Variants in BNIP3L observed in about 807,000 individuals in gnomAD.
The protein encoded by BNIP3L is BCL2 interacting protein 3 like.
In BNIP3L, 10 loss-of-function variants were observed where a neutral mutation model predicts 25.5. The ratio of observed to expected loss-of-function variants is 0.39; its 90% CI spans 0.24 to 0.67. BNIP3L has a LOEUF of 0.67. Ranked by LOEUF, BNIP3L falls within the 30% of genes least tolerant of loss-of-function variation. BNIP3L has a pLI of 0.45. For synonymous variants in BNIP3L, 113 were observed against 101.2 expected (o/e 1.12, Z -0.70); for missense variants, 215 against 270.9 (o/e 0.79, Z 1.45).
At chr8:26,387,231 A>G (rs1358408229) in intron 1 of BNIP3L, among the ~76,000 whole-genome samples, 2 of 152,218 alleles carry the variant, frequency 1.3e-5, no homozygotes, top group African/African-American at 4.8e-5. Flanking sequence ...ACAGTCTATT[A>G]TGTTAGAGAA....
chr8:26,396,741 G>A (rs1806256915), intron 3 of BNIP3L, among the ~76,000 whole-genome samples: 1 of 150,100 alleles, frequency 6.7e-6, no homozygotes, highest in Non-Finnish European at 1.5e-5. Context: ...TTAGAAGAAT[G>A]TATAACTAGA....
intron 3 of BNIP3L, chr8:26,395,618 G>A (rs1333398286): frequency 4.3e-6 from 1 of 234,368 alleles, no homozygotes; most frequent in Non-Finnish European, 8.4e-6. Flanking sequence ...GAATAGGGAG[G>A]AGCCAAGATG....
chr8:26,384,726 CAT>C (rs1491502222), intron 1 of BNIP3L, among the ~76,000 whole-genome samples: 59 of 95,592 alleles, frequency 6.2e-4, no homozygotes, highest in Middle Eastern at 5.2e-3. Flanking sequence ...CTTTTGAGGA[CAT>C]TTTTTTTTTT....
At chr8:26,405,228 T>C (rs3808577) in intron 3 of BNIP3L, among the ~76,000 whole-genome samples, 96,045 of 152,100 alleles carry the variant, frequency 0.63, 30,758 homozygotes, top group East Asian at 0.87. Flanking sequence ...TAAAGAAAGA[T>C]CTGTGAGGCC....
At position 26,391,307 on chromosome 8, in the gene BNIP3L, G is replaced by A; in HGVS notation, c.165G>A (p.Gly55=). Residue 55 remains glycine (G), a synonymous_variant, in exon 2 of 6, where the codon GGG becomes GGA. Transcript: ENST00000380629. ...ATGATAATGGCAATGGGAAAAATGGGGGGCTGGAACACGTACCATCCTCAT... is the reference window on the plus strand; with the variant it reads ...ATGATAATGGCAATGGGAAAAATGGAGGGCTGGAACACGTACCATCCTCAT... The part of the protein sequence containing the change: ...NGNDNGNGKN[G]GLEHVPSSSS... 5 of 1,612,328 alleles carry A rather than the reference G, an allele frequency of 3.1e-6. No individual in the cohort carries two copies. Among genetic ancestry groups the A allele is most frequent in the Non-Finnish European group, 4.2e-6 (5 of 1,179,386 alleles).
rs139214529 is a variant in BNIP3L at position 26,411,524 on chromosome 8, C to T, written c.*1112C>T. ...AAGATGCCATTTGTTTCCTTCTGAT[C>T]TCTCACTGAATAATGTTTACTGTAC... On this transcript the variant is annotated 3_prime_UTR_variant, in exon 6 of 6. Coordinates refer to ENST00000380629, the MANE Select transcript of BNIP3L (RefSeq NM_004331.3). 6.6e-6 allele frequency: 1 copy of T among 152,242 alleles called. No individual in the cohort carries two copies. The highest frequency in any genetic ancestry group is 2.4e-5 in the African/African-American group (1 of 41,436). The allele number at this position is 152,242 out of a possible 1,614,324, so 9.4% of individuals were successfully genotyped here. A position where few individuals can be genotyped will look rare whatever the true frequency, so the allele number is the denominator to read the frequency against.
intron 3 of BNIP3L, among the ~76,000 whole-genome samples, chr8:26,403,792 G>T (rs1011049568): frequency 6.6e-6 from 1 of 151,564 alleles, no homozygotes; most frequent in Non-Finnish European, 1.5e-5. Flanking sequence ...CTCCCATGTC[G>T]GCCTCCCAAA....
rs1806483505 is a variant in BNIP3L at position 26,405,693 on chromosome 8, A to G, written c.358-2307A>G. ...TCCTAGTCAAACAAAATAAAATGTC[A>G]AAATGCTTCTTAGTTTTGAGACCCC... On this transcript the variant is annotated intron_variant, in intron 3 of 5. Transcript: ENST00000380629. 3.3e-5 allele frequency among the ~76,000 whole-genome samples: 5 copies of G among 152,276 alleles called. No individual in the cohort carries two copies. The South Asian group carries it at 1.0e-3, about 32-fold the overall frequency.
chr8:26,402,482 T>G (rs1406014906), intron 3 of BNIP3L, among the ~76,000 whole-genome samples: 1 of 152,254 alleles, frequency 6.6e-6, no homozygotes, highest in Non-Finnish European at 1.5e-5. Context: ...TACAGAAAGC[T>G]TTAAGTTTAG....
Position 26,392,190 on chromosome 8 carries a change from A to G in BNIP3L, c.284+764A>G, listed in dbSNP as rs1476276463. Among the ~76,000 whole-genome samples, 118 of 134,944 alleles carry G rather than the reference A, an allele frequency of 8.7e-4. 2 individuals carry two copies. The Admixed American group carries it at 9.1e-3, about 10-fold the overall frequency. 88.5% of individuals were successfully genotyped at this position (134,944 alleles called of 152,430 possible). ...TTTTCTGTTTTTTTTTTTTTTTTTCAGAAGGGCTAGATATTAAATGACATT... is the reference window on the plus strand; with the variant it reads ...TTTTCTGTTTTTTTTTTTTTTTTTCGGAAGGGCTAGATATTAAATGACATT... On this transcript the variant is annotated intron_variant, in intron 2 of 5. Coordinates refer to ENST00000380629, the MANE Select transcript of BNIP3L (RefSeq NM_004331.3).
At chr8:26,395,505 C>T (rs1385530729) in intron 3 of BNIP3L, 7 of 538,584 alleles carry the variant, frequency 1.3e-5, no homozygotes, top group Middle Eastern at 5.0e-4. Context: ...TCACTCTAAA[C>T]GAATTGGAAA....
intron 3 of BNIP3L, among the ~76,000 whole-genome samples, chr8:26,398,828 A>G: frequency 6.6e-6 from 1 of 152,188 alleles, no homozygotes; most frequent in Non-Finnish European, 1.5e-5. Flanking sequence ...AGAAATGGAT[A>G]CATTCCTCGA....
chr8:26,406,572 C>G (rs2117493902), intron 3 of BNIP3L, among the ~76,000 whole-genome samples: 1 of 152,268 alleles, frequency 6.6e-6, no homozygotes, highest in Middle Eastern at 3.4e-3. Flanking sequence ...GTAATCCCAG[C>G]ACTTTGGGAG....
chr8:26,387,466 T>C (rs1806016494), intron 1 of BNIP3L, among the ~76,000 whole-genome samples: 1 of 152,240 alleles, frequency 6.6e-6, no homozygotes, highest in Non-Finnish European at 1.5e-5. Context: ...TTGTGTTGCT[T>C]GGACAGCACA....
chr8:26,390,561 G>T, intron 1 of BNIP3L: 1 of 982,996 alleles, frequency 1.0e-6, no homozygotes. Flanking sequence ...GAAAGCCTGA[G>T]ATACAAAGGA....
chr8:26,385,741 T>G (rs1156866290), intron 1 of BNIP3L, among the ~76,000 whole-genome samples: 1 of 152,156 alleles, frequency 6.6e-6, no homozygotes, highest in Non-Finnish European at 1.5e-5. Context: ...GAGGTGGAAG[T>G]ACACTCAGCC....
chr8:26,385,684 A>T (rs1805977930), intron 1 of BNIP3L, among the ~76,000 whole-genome samples: 2 of 151,768 alleles, frequency 1.3e-5, no homozygotes. Context: ...GAGGAGTTTG[A>T]TGTCTTTGGC....
intron 3 of BNIP3L, among the ~76,000 whole-genome samples, chr8:26,404,748 T>C (rs750493142): frequency 6.6e-6 from 1 of 152,246 alleles, no homozygotes. Flanking sequence ...CCTCAAGTGA[T>C]CCGTCCACCT....
chr8:26,388,061 AACAG>A (rs1162791606), intron 1 of BNIP3L, among the ~76,000 whole-genome samples: 1 of 152,212 alleles, frequency 6.6e-6, no homozygotes, highest in Non-Finnish European at 1.5e-5. Context: ...CAAAAGCAAA[AACAG>A]ACCTATATTT....
Sources: gnomAD v4.1 joint callset for allele counts (sites outside exome capture counted in the v4.1 genomes callset) on GRCh38, gnomAD v4.1.1 for gene constraint, MANE v1.5 for transcripts, NCBI Gene and HGNC (gene_info 2026-07-23, HGNC 2026-07-21) for gene names.